The following TRIM37 variants were observed in gnomAD, a reference collection of about 807,000 sequenced individuals.
TRIM37 encodes the protein tripartite motif containing 37.
In TRIM37, 80 loss-of-function variants were observed where a neutral mutation model predicts 129.8. The ratio of observed to expected loss-of-function variants is 0.62; its 90% confidence interval spans 0.51 to 0.74. TRIM37 has a LOEUF of 0.74. Ranked by LOEUF, TRIM37 falls within the 30% of genes least tolerant of loss-of-function variation. TRIM37 has a pLI of 0.00. For synonymous variants in TRIM37, 389 were observed against 387.1 expected (o/e 1.00, Z -0.06); for missense variants, 1,054 against 1,176.5 (o/e 0.90, Z 1.52).
chr17:58,991,854 G>A (rs372441464), intron 24 of TRIM37, among the ~76,000 whole-genome samples: 16 of 152,082 alleles, frequency 1.1e-4, no homozygotes, highest in African/African-American at 2.2e-4. Context: ...GTTGGGCAGC[G>A]TCTCAGTAAA....
intron 24 of TRIM37, among the ~76,000 whole-genome samples, chr17:58,988,725 T>G (rs945758811): frequency 6.6e-6 from 1 of 152,038 alleles, no homozygotes; most frequent in African/African-American, 2.4e-5. Flanking sequence ...GCACAAAGCT[T>G]CTGAGCCTGG....
At chr17:59,047,616 G>A in intron 16 of TRIM37, 67 bp downstream of exon 16, 1 of 1,485,226 alleles carries the variant, frequency 6.7e-7, no homozygotes, top group Admixed American at 1.7e-5. Context: ...ATTTAAGTGT[G>A]AGTTAGTTAA....
At chr17:59,075,846 T>C (rs1293705178) in intron 7 of TRIM37, 132 bp from the exon 8 acceptor site, 6 of 698,880 alleles carry the variant, frequency 8.6e-6, no homozygotes, top group Non-Finnish European at 1.5e-5. Flanking sequence ...ACAGCTACCC[T>C]AAAAATTCTC....
chr17:59,018,133 T>C (rs1372659010), intron 19 of TRIM37, among the ~76,000 whole-genome samples: 2 of 151,968 alleles, frequency 1.3e-5, no homozygotes, highest in Non-Finnish European at 2.9e-5. Context: ...GCCAAACCAG[T>C]AGTGAAAAGA....
In TRIM37 at chr17:59,047,568, T is replaced by C. The variant is rs2039945266; in HGVS notation, c.1667+115A>G. On this transcript the variant is annotated intron_variant, in intron 16 of 23. Transcript: ENST00000262294. ...GAGATTAGAGAGAGAAAACTGACTATTGATTCAATCTTTCAAAAAAGTGCT... is the reference window on the plus strand; with the variant it reads ...GAGATTAGAGAGAGAAAACTGACTACTGATTCAATCTTTCAAAAAAGTGCT... The C allele has an allele frequency of 1.4e-5, 15 of 1,058,390 alleles. 1 individual carries two copies. The highest frequency in any genetic ancestry group is 3.0e-4 in the Middle Eastern group (1 of 3,374). 65.6% of individuals were successfully genotyped at this position (1,058,390 alleles called of 1,614,324 possible).
chr17:59,012,176 T>C (rs2035336819), intron 22 of TRIM37, 152 bp downstream of exon 22: 2 of 686,850 alleles, frequency 2.9e-6, no homozygotes, highest in East Asian at 2.7e-5. Context: ...TCAGTAACAT[T>C]TCCATTAAAC....
At chr17:59,096,515 G>T (rs986432887) in intron 2 of TRIM37, among the ~76,000 whole-genome samples, 2 of 138,168 alleles carry the variant, frequency 1.4e-5, no homozygotes, top group African/African-American at 2.7e-5. Context: ...TCGTGCCACT[G>T]CACTACAGCC....
intron 22 of TRIM37, among the ~76,000 whole-genome samples, chr17:59,005,530 G>A (rs968169700): frequency 4.6e-5 from 7 of 152,060 alleles, no homozygotes; most frequent in African/African-American, 1.4e-4. Context: ...TGATCTACCC[G>A]CTTCGGCCTC....
chr17:59,049,115 A>T, intron 15 of TRIM37, 63 bp downstream of exon 15: 1 of 1,345,408 alleles, frequency 7.4e-7, no homozygotes, highest in Non-Finnish European at 1.1e-6. Flanking sequence ...ATATGTTAAA[A>T]GCCATGATGC....
chr17:59,096,381 G>A (rs1466333410), intron 2 of TRIM37, among the ~76,000 whole-genome samples: 3 of 151,578 alleles, frequency 2.0e-5, no homozygotes, highest in Non-Finnish European at 2.9e-5. Flanking sequence ...GTGAAACCCC[G>A]CCTCTACTAA....
chr17:59,043,732 T>C (rs754212898), intron 16 of TRIM37, among the ~76,000 whole-genome samples: 1 of 152,136 alleles, frequency 6.6e-6, no homozygotes, highest in Non-Finnish European at 1.5e-5. Flanking sequence ...AGCTTATTCA[T>C]AAGGTGGAGG....
Position 58,999,125 on chromosome 17 carries a change from A to C in TRIM37, c.*252T>G, listed in dbSNP as rs561518149. ...CCTTTTGTGAATGTACAAATTTGCT[A>C]AATTAATAGAGAACTACATTGTTAT... On this transcript the variant is annotated 3_prime_UTR_variant, in exon 24 of 24. Coordinates refer to ENST00000262294, the MANE Select transcript of TRIM37 (RefSeq NM_015294.6). The C allele has an allele frequency of 7.7e-6, 10 of 1,300,436 alleles. No individual in the cohort carries two copies. In the African/African-American group the frequency reaches 1.2e-4, roughly 16 times the overall value. 80.6% of individuals were successfully genotyped at this position (1,300,436 alleles called of 1,614,324 possible). A position where few individuals can be genotyped will look rare whatever the true frequency, so the allele number is the denominator to read the frequency against.
Position 59,032,387 on chromosome 17 carries a change from C to A in TRIM37, c.1754-297G>T, listed in dbSNP as rs112994148. 9.5e-3 allele frequency among the ~76,000 whole-genome samples: 1,438 copies of A among 150,826 alleles called. 29 individuals are homozygous for A. Among genetic ancestry groups the A allele is most frequent in the African/African-American group, 0.032 (1,334 of 41,136 alleles). On this transcript the variant is annotated intron_variant, in intron 17 of 23. Transcript: ENST00000262294. ...AAAAATACAAAAAATTAGCCGGGCG[C>A]GGTGGCGGGCGCCTGTAGTCCCAGC...
rs866010371 is a variant in TRIM37 at position 59,015,852 on chromosome 17, G to A, written c.2387-53C>T. On this transcript the variant is annotated intron_variant, in intron 20 of 23. Coordinates refer to ENST00000262294, the MANE Select transcript of TRIM37 (RefSeq NM_015294.6). ...AAATTAGCTGGGCATGGTGGTGTGC[G>A]CCTGTAATCCCAGCTACTTGGGAGG... is the stretch of plus-strand genomic sequence containing the variant. 7.5e-5 allele frequency: 117 copies of A among 1,555,016 alleles called. No homozygotes were observed. In the Admixed American group the frequency reaches 1.1e-3, roughly 15 times the overall value.
chr17:59,049,537 G>T, intron 14 of TRIM37, 144 bp from the exon 15 acceptor site: 1 of 792,992 alleles, frequency 1.3e-6, no homozygotes, highest in Non-Finnish European at 2.1e-6. Context: ...CTGTTGCCCA[G>T]GCTGAAGTGC....
Position 59,029,105 on chromosome 17 carries a change from A to C in TRIM37, c.1949-382T>G, listed in dbSNP as rs147051209. On this transcript the variant is annotated intron_variant, in intron 18 of 23. Transcript: ENST00000262294. ...AATCTAGAAACCAAATACTTTGTCA[A>C]ATCTGCCATATATAACATTATATTA... 2.4e-3 allele frequency among the ~76,000 whole-genome samples: 359 copies of C among 152,324 alleles called. 4 individuals carry two copies. Among genetic ancestry groups the C allele is most frequent in the African/African-American group, 8.3e-3 (343 of 41,570 alleles).
chr17:59,012,224 G>GCAGCAGCAGCAGCAGCAGCAC, intron 22 of TRIM37, 104 bp downstream of exon 22: 2 of 740,554 alleles, frequency 2.7e-6, no homozygotes, highest in East Asian at 2.6e-5. Flanking sequence ...ACCAGCAGCA[G>GCAGCAGCAGCAGCAGCAGCAC]CAGCACCACC....
intron 2 of TRIM37, 151 bp from the exon 3 acceptor site, chr17:59,091,491 ATAT>A (rs1444153352): frequency 2.2e-4 from 31 of 142,810 alleles, no homozygotes; most frequent in East Asian, 5.7e-4. Context: ...AATATATAAT[ATAT>A]TATTATATAA....
chr17:59,057,444 G>C (rs1466915855), intron 12 of TRIM37, among the ~76,000 whole-genome samples: 1 of 152,358 alleles, frequency 6.6e-6, no homozygotes, highest in East Asian at 1.9e-4. Flanking sequence ...CTGACCTCAG[G>C]TGATCCACCC....
Sources: allele counts gnomAD v4.1 joint callset (sites outside exome capture counted in the v4.1 genomes callset), GRCh38; gene constraint gnomAD v4.1.1; transcripts MANE v1.5; gene names NCBI Gene and HGNC (gene_info 2026-07-23, HGNC 2026-07-21).